Variants in RGS7 observed in about 807,000 individuals in gnomAD.
The protein encoded by RGS7 is regulator of G-protein signaling 7.
Under a neutral mutation model 81.1 loss-of-function variants are expected in RGS7, and 27 were observed. The observed-to-expected ratio is 0.33, with a 90% CI of 0.25 to 0.46. RGS7 has a LOEUF of 0.46. Among genes scored for constraint, RGS7 ranks in the 20% least tolerant of loss-of-function variants. RGS7 has a pLI of 1.00. For synonymous variants in RGS7, 208 were observed against 207.7 expected, an observed-to-expected ratio of 1.00 and a Z score of -0.01; for missense variants, 396 against 607.4, an observed-to-expected ratio of 0.65 and a Z score of 3.66.
intron 2 of RGS7, among the ~76,000 whole-genome samples, chr1:241,297,226 G>A (rs552397585): frequency 6.6e-6 from 1 of 152,170 alleles, no homozygotes; most frequent in Non-Finnish European, 1.5e-5. Flanking sequence ...ATGGATGCTG[G>A]TGGAATGAAT....
intron 4 of RGS7, among the ~76,000 whole-genome samples, chr1:240,976,877 G>A (rs79728112): frequency 2.6e-3 from 284 of 110,896 alleles, no homozygotes; most frequent in African/African-American, 6.4e-3. Context: ...TCATCTATCT[G>A]TCTATCTCTT....
chr1:240,960,901 C>T (rs563203087), intron 4 of RGS7, among the ~76,000 whole-genome samples: 2 of 152,092 alleles, frequency 1.3e-5, no homozygotes, highest in South Asian at 4.2e-4. Flanking sequence ...AGTCTGATTA[C>T]AAAGCTATCT....
At chr1:241,355,625 T>A in intron 2 of RGS7, 74 bp downstream of exon 2, 1 of 1,305,212 alleles carries the variant, frequency 7.7e-7, no homozygotes, top group Middle Eastern at 1.8e-4. Flanking sequence ...TGATACATAC[T>A]CTGATCTAGA....
chr1:241,247,053 A>G (rs2076582551), intron 2 of RGS7, among the ~76,000 whole-genome samples: 2 of 152,144 alleles, frequency 1.3e-5, no homozygotes, highest in Middle Eastern at 6.8e-3. Context: ...GGAGGCTGGG[A>G]CCATTGTACA....
intron 18 of RGS7, among the ~76,000 whole-genome samples, chr1:240,794,138 GTGTT>G (rs1686592729): frequency 6.6e-6 from 1 of 151,992 alleles, no homozygotes; most frequent in African/African-American, 2.4e-5. Context: ...ATTATGATGG[GTGTT>G]TGTGTCAGTT....
At chr1:240,847,729 C>T (rs554991280) in intron 9 of RGS7, among the ~76,000 whole-genome samples, 30 of 152,218 alleles carry the variant, frequency 2.0e-4, no homozygotes, top group African/African-American at 7.2e-4. Flanking sequence ...ATAACATTAC[C>T]ATTCTTTATA....
chr1:240,930,893 G>T, intron 5 of RGS7, 125 bp from the exon 6 acceptor site: 1 of 964,464 alleles, frequency 1.0e-6, no homozygotes, highest in Non-Finnish European at 1.6e-6. Context: ...TTATAATACA[G>T]AACATGTTCC....
intron 13 of RGS7, 88 bp from the exon 14 acceptor site, chr1:240,812,131 G>T: frequency 7.0e-7 from 1 of 1,423,178 alleles, no homozygotes; most frequent in Non-Finnish European, 9.9e-7. Flanking sequence ...AATCATGTGT[G>T]CCTCGAAGTT....
At chr1:241,337,239 T>G (rs866724312) in intron 2 of RGS7, among the ~76,000 whole-genome samples, 2 of 152,188 alleles carry the variant, frequency 1.3e-5, no homozygotes, top group South Asian at 2.1e-4. Flanking sequence ...TACTCCATTG[T>G]TCATGCCTCT....
intron 6 of RGS7, among the ~76,000 whole-genome samples, chr1:240,908,333 A>T (rs1407367348): frequency 6.6e-6 from 1 of 152,152 alleles, no homozygotes; most frequent in Non-Finnish European, 1.5e-5. Context: ...AGTACCTTAG[A>T]ACTTAAAGCA....
At chr1:241,092,205 A>C (rs2063931935) in intron 3 of RGS7, among the ~76,000 whole-genome samples, 1 of 152,220 alleles carries the variant, frequency 6.6e-6, no homozygotes, top group African/African-American at 2.4e-5. Flanking sequence ...GTTTTAATTC[A>C]CTCAAATATG....
intron 4 of RGS7, among the ~76,000 whole-genome samples, chr1:240,950,698 C>T (rs764044315): frequency 8.5e-5 from 13 of 152,138 alleles, no homozygotes; most frequent in Non-Finnish European, 1.5e-5. Flanking sequence ...CAGATTACAG[C>T]TGAAAGAGCT....
At chr1:241,027,368 T>A (rs185952524) in intron 3 of RGS7, among the ~76,000 whole-genome samples, 2 of 152,208 alleles carry the variant, frequency 1.3e-5, no homozygotes, top group East Asian at 3.9e-4. Context: ...TAATAAGAAA[T>A]TCGTTTTAAT....
At chr1:240,854,903 G>A (rs1185838376) in intron 9 of RGS7, among the ~76,000 whole-genome samples, 3 of 152,116 alleles carry the variant, frequency 2.0e-5, no homozygotes, top group Non-Finnish European at 4.4e-5. Flanking sequence ...CTTGGGATGG[G>A]ATACCATACA....
chr1:241,313,455 A>T (rs557587651), intron 2 of RGS7, among the ~76,000 whole-genome samples: 16 of 152,310 alleles, frequency 1.1e-4, no homozygotes, highest in Non-Finnish European at 1.5e-5. Flanking sequence ...ACTCTTAAGA[A>T]TTATGCTAAA....
At chr1:241,029,260 C>T (rs1224277601) in intron 3 of RGS7, among the ~76,000 whole-genome samples, 1 of 152,116 alleles carries the variant, frequency 6.6e-6, no homozygotes, top group Non-Finnish European at 1.5e-5. Context: ...ATACATTACA[C>T]CCACTTTCTT....
At chr1:241,122,153 A>G (rs1397792487) in intron 2 of RGS7, among the ~76,000 whole-genome samples, 1 of 152,204 alleles carries the variant, frequency 6.6e-6, no homozygotes, top group Non-Finnish European at 1.5e-5. Context: ...AAAGTAATTC[A>G]ACCCTTGGCA....
chr1:240,875,377 G>T (rs956118112), intron 6 of RGS7, among the ~76,000 whole-genome samples: 2 of 152,128 alleles, frequency 1.3e-5, no homozygotes, highest in African/African-American at 4.8e-5. Flanking sequence ...TATTTTTAAA[G>T]GCTGAATAGT....
At chr1:241,249,939 A>T (rs1208487267) in intron 2 of RGS7, among the ~76,000 whole-genome samples, 3 of 122,030 alleles carry the variant, frequency 2.5e-5, no homozygotes, top group Non-Finnish European at 5.8e-5. Flanking sequence ...GTTACATTTT[A>T]AAAAAGGAAT....
Sources: allele counts gnomAD v4.1 joint callset (sites outside exome capture counted in the v4.1 genomes callset), GRCh38; gene constraint gnomAD v4.1.1; transcripts MANE v1.5; gene names NCBI Gene and HGNC (gene_info 2026-07-23, HGNC 2026-07-21).